The following BOD1 variants were observed in gnomAD, a reference collection of about 807,000 sequenced individuals.
BOD1 encodes biorientation of chromosomes in cell division 1, also known as biorientation of chromosomes in cell division protein 1.
Under a neutral mutation model 15.7 loss-of-function variants are expected in BOD1, and 11 were observed. The ratio of observed to expected loss-of-function variants is 0.70; its 90% CI spans 0.44 to 1.16. The LOEUF is 1.16. Among genes scored for constraint, BOD1 ranks in the 50% most tolerant of loss-of-function variants. The probability of loss-of-function intolerance (pLI) is 0.00; values close to 1 mark genes in which losing one functional copy is unlikely to be tolerated. For synonymous variants in BOD1, 105 were observed against 103.5 expected, an observed-to-expected ratio of 1.01 and a Z score of -0.09; for missense variants, 182 against 244.5, an observed-to-expected ratio of 0.74 and a Z score of 1.70.
At chr5:173,609,493 C>T (rs895886046) in intron 2 of BOD1, 59 bp from the exon 3 acceptor site, 3 of 1,456,768 alleles carry the variant, frequency 2.1e-6, no homozygotes, top group Non-Finnish European at 2.8e-6. Flanking sequence ...ATCTTTAGCC[C>T]CAATAAGTGT....
At chr5:173,613,317 T>A (rs1581245070) in intron 1 of BOD1, 62 bp from the exon 2 acceptor site, 1 of 1,589,202 alleles carries the variant, frequency 6.3e-7, no homozygotes, top group Non-Finnish European at 8.6e-7. Context: ...TTGAACTTAG[T>A]CTCTCAGAAC....
At chr5:173,611,105 G>A (rs917694333) in intron 2 of BOD1, among the ~76,000 whole-genome samples, 1 of 152,184 alleles carries the variant, frequency 6.6e-6, no homozygotes, top group Non-Finnish European at 1.5e-5. Context: ...CTGATCAGGG[G>A]AAACAAACTA....
chr5:173,613,171 T>A lies in BOD1; in HGVS notation c.322A>T (p.Lys108Ter). Residue 108 changes from lysine (K) to a stop codon, truncating the protein, a stop_gained, in exon 2 of 4, where the codon AAA becomes TAA. Coordinates refer to ENST00000311086, the MANE Select transcript of BOD1 (RefSeq NM_138369.3). LOFTEE classifies it high-confidence loss of function. ...DKQEWNPTMN[K>*]NQLRNGLRQS... ...CTCAGACCATTTCGCAACTGGTTTT[T>A]GTTCATCGTAGGATTCCATTCCTGC... 6.2e-7 allele frequency: 1 copy of A among 1,614,198 alleles called. No homozygotes were observed. The highest frequency in any genetic ancestry group is 8.5e-7 in the Non-Finnish European group (1 of 1,180,000).
chr5:173,615,300 G>C (rs915105555), intron 1 of BOD1, among the ~76,000 whole-genome samples: 1 of 152,192 alleles, frequency 6.6e-6, no homozygotes. Context: ...CGCACAGCTT[G>C]GCAACTAGAG....
chr5:173,616,446 C>T lies in BOD1; in HGVS notation c.-10G>A. On this transcript the variant is annotated 5_prime_UTR_variant, in exon 1 of 4. Transcript: ENST00000311086. ...CGCCGCCGTCCGCCATGGCTGCGCC[C>T]CGGGCCCACAAGGGAGAACGACTAT... 1.3e-6 allele frequency: 2 copies of T among 1,558,514 alleles called. No individual in the cohort carries two copies. The highest frequency in any genetic ancestry group is 1.7e-6 in the Non-Finnish European group (2 of 1,163,832).
At chr5:173,609,135 A>G (rs1213641296) in intron 3 of BOD1, 103 bp downstream of exon 3, 1 of 1,288,066 alleles carries the variant, frequency 7.8e-7, no homozygotes, top group East Asian at 2.3e-5. Flanking sequence ...TGCAGTAAAT[A>G]CTTCCTGAAT....
In BOD1 at chr5:173,608,179, G is replaced by T; in HGVS notation, c.*115C>A. ...CTGGTCACTGCCCATGGTCAAGGTT[G>T]AAATCTTGAGATCAGTGACGACCTT... is the stretch of plus-strand genomic sequence containing the variant. On this transcript the variant is annotated 3_prime_UTR_variant, in exon 4 of 4. Transcript: ENST00000311086. The T allele has an allele frequency of 7.7e-7, 1 of 1,298,224 alleles. No homozygotes were observed. The highest frequency in any genetic ancestry group is 1.2e-5 in the South Asian group (1 of 83,348). The allele number at this position is 1,298,224 out of a possible 1,614,324, so 80.4% of individuals were successfully genotyped here.
intron 1 of BOD1, chr5:173,614,866 A>T (rs1439262284): frequency 6.6e-6 from 1 of 152,210 alleles, no homozygotes; most frequent in Non-Finnish European, 1.5e-5. Context: ...CCCTATATAC[A>T]CTACGCATGA....
chr5:173,608,079 G>A lies in BOD1; in HGVS notation c.*215C>T, dbSNP rs1755248751. On this transcript the variant is annotated 3_prime_UTR_variant, in exon 4 of 4. Coordinates refer to ENST00000311086, the MANE Select transcript of BOD1 (RefSeq NM_138369.3). ...TACTTGGTGTCATGCCCTTGGACAG[G>A]CTGGCCAAATGGCAGCACAATGCAG... is the stretch of plus-strand genomic sequence containing the variant. The A allele has an allele frequency of 2.2e-6, 1 of 455,522 alleles. No homozygotes were observed. Among genetic ancestry groups the A allele is most frequent in the Non-Finnish European group, 4.0e-6 (1 of 252,738 alleles). The allele number at this position is 455,522 out of a possible 1,614,324, so 28.2% of individuals were successfully genotyped here.
chr5:173,608,034 GT>G lies in BOD1; in HGVS notation c.*259del. On this transcript the variant is annotated 3_prime_UTR_variant, in exon 4 of 4. Transcript: ENST00000311086. ...CAGGACAACCCTGGGTTGCTGTAGTGTTTCTCTCTCTGTAGTGTCTACTTGG... is the reference window on the plus strand; with the variant it reads ...CAGGACAACCCTGGGTTGCTGTAGTGTTCTCTCTCTGTAGTGTCTACTTGG... The G allele has an allele frequency of 1.8e-6, 1 of 545,052 alleles. No homozygotes were observed. The highest frequency in any genetic ancestry group is 3.3e-6 in the Non-Finnish European group (1 of 304,620). The allele number at this position is 545,052 out of a possible 1,614,324, so 33.8% of individuals were successfully genotyped here. A position where few individuals can be genotyped will look rare whatever the true frequency, so the allele number is the denominator to read the frequency against.
intron 1 of BOD1, 35 bp from the exon 2 acceptor site, chr5:173,613,290 T>C: frequency 6.2e-7 from 1 of 1,611,286 alleles, no homozygotes; most frequent in Non-Finnish European, 8.5e-7. Context: ...AGGTCAGAAG[T>C]TATATGCACC....
intron 1 of BOD1, chr5:173,614,804 G>C (rs1344936369): frequency 1.3e-5 from 2 of 152,312 alleles, no homozygotes; most frequent in Non-Finnish European, 2.9e-5. Flanking sequence ...CCCCCTCAGG[G>C]GATACGTTCC....
In BOD1 at chr5:173,616,620, C is replaced by T. The variant is rs1304960967; in HGVS notation, c.-184G>A. ...GCGGCGGCGAAGGCCCCCTCTGATACAGCAGAGGTTGTGGTGGACGCGGCA... is the reference window on the plus strand; with the variant it reads ...GCGGCGGCGAAGGCCCCCTCTGATATAGCAGAGGTTGTGGTGGACGCGGCA... On this transcript the variant is annotated 5_prime_UTR_variant, in exon 1 of 4. Transcript: ENST00000311086. 9 of 1,334,272 alleles carry T rather than the reference C, an allele frequency of 6.7e-6. No individual in the cohort carries two copies. The highest frequency in any genetic ancestry group is 7.6e-6 in the Non-Finnish European group (8 of 1,048,526). 82.7% of individuals were successfully genotyped at this position (1,334,272 alleles called of 1,614,324 possible). A position where few individuals can be genotyped will look rare whatever the true frequency, so the allele number is the denominator to read the frequency against.
chr5:173,614,906 T>C (rs1167768450), intron 1 of BOD1: 1 of 152,208 alleles, frequency 6.6e-6, no homozygotes, highest in Non-Finnish European at 1.5e-5. Context: ...TGAAGTAAAA[T>C]AGGGGTTACC....
At position 173,616,282 on chromosome 5, in the gene BOD1, A is replaced by G; in HGVS notation, c.155T>C (p.Ile52Thr). 6.4e-7 allele frequency: 1 copy of G among 1,553,934 alleles called. No individual in the cohort carries two copies. The highest frequency in any genetic ancestry group is 1.2e-5 in the South Asian group (1 of 84,570). ...CTTGAGCTGCTCCACGATGAGAGCG[A>G]TGAGCTGCGGGTCGCCGGGAGGCAG... ...ASLPPGDPQL[I>T]ALIVEQLKSR... is the part of the protein sequence containing the mutation. Residue 52 changes from isoleucine (I) to threonine (T), a missense_variant, in exon 1 of 4, where the codon ATC (isoleucine) becomes ACC (threonine). This residue lies in a region of BOD1 where 70 missense variants were observed against 130.3 expected (regional missense o/e 0.54). Transcript: ENST00000311086.
intron 1 of BOD1, among the ~76,000 whole-genome samples, 184 bp from the exon 2 acceptor site, chr5:173,613,439 G>A (rs373781860): frequency 7.9e-5 from 12 of 152,270 alleles, no homozygotes; most frequent in African/African-American, 2.9e-4. Flanking sequence ...CCCACCTGAT[G>A]GTGGGTGGGC....
At chr5:173,611,573 T>C (rs146822443) in intron 2 of BOD1, among the ~76,000 whole-genome samples, 2 of 151,662 alleles carry the variant, frequency 1.3e-5, no homozygotes, top group East Asian at 3.9e-4. Context: ...TGGTAAAAAC[T>C]ATGCAGAGAG....
At chr5:173,613,019 T>A (rs944897379) in intron 2 of BOD1, 112 bp downstream of exon 2, 8 of 1,321,004 alleles carry the variant, frequency 6.1e-6, no homozygotes, top group Non-Finnish European at 8.3e-6. Context: ...AACTCCTAAG[T>A]GATACTTGAT....
At chr5:173,610,136 ATGATGG>A (rs1755310516) in intron 2 of BOD1, among the ~76,000 whole-genome samples, 1 of 152,264 alleles carries the variant, frequency 6.6e-6, no homozygotes, top group Non-Finnish European at 1.5e-5. Context: ...GGTACTGGAA[ATGATGG>A]TGAGAGGAAA....
Sources: allele counts gnomAD v4.1 joint callset (sites outside exome capture counted in the v4.1 genomes callset), GRCh38; gene constraint gnomAD v4.1.1; regional missense constraint gnomAD v4.1.1; transcripts MANE v1.5; gene names NCBI Gene and HGNC (gene_info 2026-07-23, HGNC 2026-07-21).